KIZ: variants seen among roughly 807,000 people sequenced by gnomAD.
KIZ encodes the protein kizuna centrosomal protein.
Under a neutral mutation model 79.6 loss-of-function variants are expected in KIZ, and 68 were observed. The ratio of observed to expected loss-of-function variants is 0.85; its 90% CI spans 0.70 to 1.05. The LOEUF (loss-of-function observed/expected upper bound fraction) is 1.05, where lower values mean the gene tolerates loss of function less well. Among genes scored for constraint, KIZ ranks in the 50% least tolerant of loss-of-function variants. The pLI is 0.00. For synonymous variants in KIZ, 280 were observed against 281.8 expected (o/e 0.99, Z 0.06); for missense variants, 797 against 800.4 (o/e 1.00, Z 0.05).
intron 4 of KIZ, among the ~76,000 whole-genome samples, chr20:21,149,135 C>T (rs2032990868): frequency 6.6e-6 from 1 of 152,214 alleles, no homozygotes; most frequent in Admixed American, 6.5e-5. Context: ...CCGAAAACTA[C>T]ACAACCAGGC....
At chr20:21,217,169 G>A (rs1280489063) in intron 9 of KIZ, among the ~76,000 whole-genome samples, 1 of 152,110 alleles carries the variant, frequency 6.6e-6, no homozygotes, top group Non-Finnish European at 1.5e-5. Flanking sequence ...ACTTAGCAAA[G>A]CCATACACAT....
chr20:21,142,979 A>G (rs1186234209), intron 3 of KIZ, among the ~76,000 whole-genome samples: 3 of 152,154 alleles, frequency 2.0e-5, no homozygotes, highest in Non-Finnish European at 4.4e-5. Context: ...CCTGGAGGGC[A>G]AAGTGTGTAG....
At chr20:21,226,741 G>C (rs2036667916) in intron 9 of KIZ, among the ~76,000 whole-genome samples, 1 of 152,186 alleles carries the variant, frequency 6.6e-6, no homozygotes, top group Non-Finnish European at 1.5e-5. Flanking sequence ...TGGGATTGGG[G>C]GTGAGTGATG....
intron 4 of KIZ, among the ~76,000 whole-genome samples, chr20:21,157,857 G>T (rs900844129): frequency 2.6e-5 from 4 of 152,260 alleles, no homozygotes; most frequent in African/African-American, 9.6e-5. Flanking sequence ...GTTAGTCGTT[G>T]CTCTGGTGTT....
At chr20:21,132,500 C>T (rs556280685) in intron 2 of KIZ, among the ~76,000 whole-genome samples, 1 of 152,256 alleles carries the variant, frequency 6.6e-6, no homozygotes, top group African/African-American at 2.4e-5. Flanking sequence ...AGGCTGGTCT[C>T]GAACTCCTGA....
chr20:21,151,194 T>TGCCAG (rs2033099374), intron 4 of KIZ: 1 of 152,226 alleles, frequency 6.6e-6, no homozygotes, highest in South Asian at 2.1e-4. Flanking sequence ...GTCTGGAGTC[T>TGCCAG]TAATAAATAC....
chr20:21,127,171 C>A (rs1189343274), intron 1 of KIZ, among the ~76,000 whole-genome samples: 1 of 152,216 alleles, frequency 6.6e-6, no homozygotes, highest in African/African-American at 2.4e-5. Flanking sequence ...ATTTATAGAG[C>A]ATCTACAACA....
intron 2 of KIZ, among the ~76,000 whole-genome samples, chr20:21,132,556 C>T (rs1043083843): frequency 1.3e-5 from 2 of 151,258 alleles, no homozygotes; most frequent in African/African-American, 2.4e-5. Context: ...GCTGGGATTA[C>T]AGCAGTGAGC....
rs144635908 is a variant in KIZ at position 21,190,383 on chromosome 20, C to G, written c.1353-15108C>G. Among the ~76,000 whole-genome samples, 51 of 152,362 alleles carry G rather than the reference C, an allele frequency of 3.3e-4. No homozygotes were observed. In the East Asian group the frequency reaches 9.1e-3, roughly 27 times the overall value. On this transcript the variant is annotated intron_variant, in intron 6 of 12. Transcript: ENST00000619189. ...TTACACCTCTGTAAAAGGATTAGCG[C>G]TAGCCAATTGTTACACTGTTTAAAT... is the stretch of plus-strand genomic sequence containing the variant.
chr20:21,140,629 A>G (rs1317975862), intron 3 of KIZ, among the ~76,000 whole-genome samples: 4 of 152,172 alleles, frequency 2.6e-5, no homozygotes, highest in African/African-American at 9.7e-5. Context: ...ACAGTGTTAT[A>G]TCTATGCTGC....
chr20:21,129,236 G>T (rs953284101), intron 1 of KIZ, among the ~76,000 whole-genome samples: 26 of 152,182 alleles, frequency 1.7e-4, no homozygotes, highest in African/African-American at 6.3e-4. Flanking sequence ...TTTTGCCTGG[G>T]AGAGAAAGCC....
chr20:21,179,803 G>A (rs1384367543), intron 6 of KIZ, among the ~76,000 whole-genome samples: 1 of 152,052 alleles, frequency 6.6e-6, no homozygotes, highest in East Asian at 1.9e-4. Flanking sequence ...TAATGTCCCT[G>A]TTGATTTATT....
At chr20:21,168,306 A>C (rs2034046498) in intron 6 of KIZ, among the ~76,000 whole-genome samples, 1 of 152,108 alleles carries the variant, frequency 6.6e-6, no homozygotes, top group Non-Finnish European at 1.5e-5. Flanking sequence ...ACATTTTCTT[A>C]ATCCAGTCTG....
At position 21,198,266 on chromosome 20, in the gene KIZ, G is replaced by T. The variant is rs1396679959; in HGVS notation, c.1353-7225G>T. On this transcript the variant is annotated intron_variant, in intron 6 of 12. Transcript: ENST00000619189. ...TTTAGTAGAGACGGGGTTTCACTGT[G>T]TTAGCCAGGATGGTCTCGATCTCCT... The T allele has an allele frequency of 5.9e-5, 9 of 152,308 alleles. No homozygotes were observed. In the Middle Eastern group the frequency reaches 0.01, roughly 169 times the overall value. The allele number at this position is 152,308 out of a possible 1,614,324, so 9.4% of individuals were successfully genotyped here.
At chr20:21,217,459 T>C (rs565084798) in intron 9 of KIZ, among the ~76,000 whole-genome samples, 1 of 152,324 alleles carries the variant, frequency 6.6e-6, no homozygotes, top group East Asian at 1.9e-4. Flanking sequence ...AATAGTTCTG[T>C]TGGGGTGTCC....
At chr20:21,134,948 T>TG (rs1021089346) in intron 2 of KIZ, among the ~76,000 whole-genome samples, 37 of 152,288 alleles carry the variant, frequency 2.4e-4, no homozygotes, top group Non-Finnish European at 3.8e-4. Context: ...ATTACAGCCA[T>TG]GAACCCCCAT....
At chr20:21,130,515 G>A (rs1378877453) in intron 1 of KIZ, among the ~76,000 whole-genome samples, 2 of 152,160 alleles carry the variant, frequency 1.3e-5, no homozygotes, top group Non-Finnish European at 2.9e-5. Context: ...TAATGTGGAA[G>A]CAATTATGCT....
chr20:21,216,010 G>T (rs2036273349), intron 9 of KIZ, among the ~76,000 whole-genome samples: 1 of 152,080 alleles, frequency 6.6e-6, no homozygotes, highest in Non-Finnish European at 1.5e-5. Context: ...TTTCTTTCCT[G>T]TAGTAATTGC....
chr20:21,181,033 G>A (rs75385198), intron 6 of KIZ, among the ~76,000 whole-genome samples: 7,370 of 152,264 alleles, frequency 0.048, 578 homozygotes, highest in African/African-American at 0.17. Flanking sequence ...GTAGGTAACC[G>A]GAATAACCAT....
Sources: gnomAD v4.1 joint callset for allele counts (sites outside exome capture counted in the v4.1 genomes callset) on GRCh38, gnomAD v4.1.1 for gene constraint, MANE v1.5 for transcripts, NCBI Gene and HGNC (gene_info 2026-07-23, HGNC 2026-07-21) for gene names.